Variants in FAM13B observed in about 807,000 individuals in gnomAD.
FAM13B encodes protein FAM13B.
Under a neutral mutation model 117.3 loss-of-function variants are expected in FAM13B, and 60 were observed. The observed-to-expected ratio is 0.51, with a 90% CI of 0.42 to 0.63. FAM13B has a LOEUF of 0.63. FAM13B is among the 30% of genes least tolerant of loss of function. The probability of loss-of-function intolerance (pLI) is 0.00; values close to 1 mark genes in which losing one functional copy is unlikely to be tolerated. For missense variants in FAM13B, 972 were observed against 1,091.9 expected (o/e 0.89, Z 1.55); for synonymous variants, 332 against 356.1 (o/e 0.93, Z 0.76).
At chr5:137,959,542 G>A (rs1217017627) in intron 13 of FAM13B, 74 bp downstream of exon 13, 21 of 1,487,632 alleles carry the variant, frequency 1.4e-5, no homozygotes, top group Non-Finnish European at 1.8e-5. Flanking sequence ...AAGGGCTGTA[G>A]TCTTATCATT....
intron 13 of FAM13B, 95 bp downstream of exon 13, chr5:137,959,521 G>T (rs1767540333): frequency 1.1e-5 from 14 of 1,290,218 alleles, no homozygotes; most frequent in Non-Finnish European, 1.4e-5. Context: ...GATGAATAAG[G>T]TTATCCAGAA....
intron 7 of FAM13B, among the ~76,000 whole-genome samples, chr5:138,001,648 GACAATA>G (rs1226530612): frequency 3.3e-5 from 5 of 152,118 alleles, no homozygotes; most frequent in African/African-American, 1.2e-4. Flanking sequence ...ATGGAAGACA[GACAATA>G]ACAATAATAC....
chr5:137,971,518 T>C (rs4835741), intron 10 of FAM13B, among the ~76,000 whole-genome samples: 102,057 of 140,264 alleles, frequency 0.73, 37,891 homozygotes, highest in East Asian at 0.97. Context: ...AGGAAAGATC[T>C]AAAATTGACA....
At chr5:137,970,780 T>C (rs1161516833) in intron 10 of FAM13B, among the ~76,000 whole-genome samples, 1 of 151,220 alleles carries the variant, frequency 6.6e-6, no homozygotes, top group Non-Finnish European at 1.5e-5. Context: ...ACCAAGCAAA[T>C]GGAAAACAAA....
At chr5:138,015,857 T>G (rs909218944) in intron 4 of FAM13B, among the ~76,000 whole-genome samples, 6 of 152,264 alleles carry the variant, frequency 3.9e-5, no homozygotes, top group African/African-American at 1.4e-4. Context: ...CTACCATACC[T>G]AGCTGCACAG....
At chr5:138,027,560 G>C (rs1020074011) in intron 1 of FAM13B, among the ~76,000 whole-genome samples, 9 of 152,170 alleles carry the variant, frequency 5.9e-5, no homozygotes, top group African/African-American at 2.2e-4. Context: ...AACAAAAGTG[G>C]CAAATATGCT....
chr5:137,955,944 G>A (rs935693427), intron 14 of FAM13B, among the ~76,000 whole-genome samples: 1 of 151,978 alleles, frequency 6.6e-6, no homozygotes, highest in Non-Finnish European at 1.5e-5. Context: ...TTTTTTTTAA[G>A]TAACTACACT....
intron 20 of FAM13B, among the ~76,000 whole-genome samples, chr5:137,943,573 G>A (rs1358192166): frequency 1.3e-5 from 2 of 152,050 alleles, no homozygotes; most frequent in Admixed American, 6.6e-5. Context: ...GTGAAAGCCC[G>A]CCTCTACTAA....
At chr5:138,006,087 C>T (rs559103185) in intron 7 of FAM13B, among the ~76,000 whole-genome samples, 3 of 151,916 alleles carry the variant, frequency 2.0e-5, no homozygotes, top group Non-Finnish European at 2.9e-5. Context: ...TTAGTAGAGA[C>T]GGGGTTTCAC....
intron 7 of FAM13B, among the ~76,000 whole-genome samples, chr5:137,989,902 A>C (rs1486395857): frequency 6.6e-6 from 1 of 151,962 alleles, no homozygotes; most frequent in Non-Finnish European, 1.5e-5. Flanking sequence ...GGGGGAAAAA[A>C]CCCCAAAACA....
intron 7 of FAM13B, among the ~76,000 whole-genome samples, chr5:137,995,135 G>C (rs996232959): frequency 6.6e-6 from 1 of 152,180 alleles, no homozygotes; most frequent in East Asian, 1.9e-4. Context: ...AAACTGCTGA[G>C]CAATTATTAG....
chr5:138,008,247 C>T (rs541968217), intron 6 of FAM13B, among the ~76,000 whole-genome samples: 33 of 152,150 alleles, frequency 2.2e-4, no homozygotes, highest in African/African-American at 7.7e-4. Flanking sequence ...TCCAGACCAG[C>T]CTGGGCAACG....
At chr5:138,021,722 G>C (rs1786777575) in intron 1 of FAM13B, among the ~76,000 whole-genome samples, 1 of 152,146 alleles carries the variant, frequency 6.6e-6, no homozygotes, top group Non-Finnish European at 1.5e-5. Context: ...AACAGTCCCA[G>C]AAAGATTTAG....
At chr5:138,016,915 A>G (rs1785397388) in intron 4 of FAM13B, among the ~76,000 whole-genome samples, 2 of 152,206 alleles carry the variant, frequency 1.3e-5, no homozygotes, top group African/African-American at 4.8e-5. Context: ...AACCTTTACC[A>G]TATTGGTTTC....
At chr5:138,034,801 C>T (rs577353570), upstream of FAM13B, among the ~76,000 whole-genome samples, 32 of 152,022 alleles carry the variant, frequency 2.1e-4, no homozygotes, top group African/African-American at 7.7e-4. Context: ...AGAACAGGAG[C>T]AATATGATTG....
At chr5:138,045,750 G>A (rs1791622931) in intron 1 of FAM13B, among the ~76,000 whole-genome samples, 1 of 152,034 alleles carries the variant, frequency 6.6e-6, no homozygotes, top group Non-Finnish European at 1.5e-5. Context: ...TGTAATCCCA[G>A]CACTTTGGGA....
intron 20 of FAM13B, among the ~76,000 whole-genome samples, chr5:137,944,075 T>C (rs929817070): frequency 6.6e-6 from 1 of 152,216 alleles, no homozygotes; most frequent in South Asian, 2.1e-4. Context: ...TCTGTCTCTA[T>C]GGTCTTGCCT....
At position 137,939,976 on chromosome 5, in the gene FAM13B, G is replaced by T; in HGVS notation, c.*249C>A. 1.3e-6 allele frequency: 2 copies of T among 1,538,604 alleles called. No homozygotes were observed. Among genetic ancestry groups the T allele is most frequent in the South Asian group, 1.3e-5 (1 of 78,860 alleles). ...GGATGTATCTGTAGTACAAAACAATGAAGTAAACCATATGTTTGCTAAAGG... is the reference window on the plus strand; with the variant it reads ...GGATGTATCTGTAGTACAAAACAATTAAGTAAACCATATGTTTGCTAAAGG... On this transcript the variant is annotated 3_prime_UTR_variant, in exon 24 of 24. Transcript: ENST00000689681.
chr5:137,974,360 C>CA (rs1353945278), intron 10 of FAM13B, among the ~76,000 whole-genome samples: 1 of 148,092 alleles, frequency 6.8e-6, no homozygotes, highest in African/African-American at 2.5e-5. Context: ...ATCGCAAGAA[C>CA]AAAAAACCAA....
Sources: gnomAD v4.1 joint callset for allele counts (sites outside exome capture counted in the v4.1 genomes callset) on GRCh38, gnomAD v4.1.1 for gene constraint, MANE v1.5 for transcripts, NCBI Gene and HGNC (gene_info 2026-07-23, HGNC 2026-07-21) for gene names.